The following GLT1D1 variants were observed in gnomAD, a reference collection of about 807,000 sequenced individuals.
The protein encoded by GLT1D1 is glycosyltransferase 1 domain containing 1.
In GLT1D1, 21 loss-of-function variants were observed where a neutral mutation model predicts 28.7. The ratio of observed to expected loss-of-function variants is 0.73; its 90% CI spans 0.52 to 1.05. GLT1D1 has a LOEUF of 1.05. Among genes scored for constraint, GLT1D1 ranks in the 50% least tolerant of loss-of-function variants. The pLI, the probability that GLT1D1 is intolerant of heterozygous loss-of-function variation, is 0.00. For synonymous variants in GLT1D1, 147 were observed against 124.8 expected (o/e 1.18, Z -1.19); for missense variants, 343 against 330.6 (o/e 1.04, Z -0.29).
At chr12:128,941,971 C>T (rs1447340614) in intron 4 of GLT1D1, among the ~76,000 whole-genome samples, 1 of 143,518 alleles carries the variant, frequency 7.0e-6, no homozygotes, top group African/African-American at 2.6e-5. Flanking sequence ...GCTCATAGTA[C>T]CATTTCCTAC....
intron 3 of GLT1D1, among the ~76,000 whole-genome samples, chr12:128,893,371 A>T (rs1869285367): frequency 6.6e-6 from 1 of 152,200 alleles, no homozygotes; most frequent in Non-Finnish European, 1.5e-5. Flanking sequence ...AGGTTAAACG[A>T]GGTGAATTTG....
At chr12:128,948,865 A>G (rs930622504) in intron 6 of GLT1D1, among the ~76,000 whole-genome samples, 4 of 152,048 alleles carry the variant, frequency 2.6e-5, no homozygotes, top group Non-Finnish European at 5.9e-5. Context: ...TTTATAAAAG[A>G]AAAAAAAGAC....
rs368888045 is a variant in GLT1D1 at position 128,945,503 on chromosome 12, G to A, written c.419+134G>A. 8.7e-4 allele frequency: 676 copies of A among 780,684 alleles called. 7 individuals are homozygous for A. The highest frequency in any genetic ancestry group is 6.2e-3 in the South Asian group (432 of 70,034). The allele number at this position is 780,684 out of a possible 1,614,324, so 48.4% of individuals were successfully genotyped here. A position where few individuals can be genotyped will look rare whatever the true frequency, so the allele number is the denominator to read the frequency against. ...CAACTGTTTCCTCATGCATCTTCCC[G>A]GCGAGCCCGTGGCATCCTAGGCACT... On this transcript the variant is annotated intron_variant, in intron 5 of 7. Transcript: ENST00000281703.
chr12:128,905,650 T>C (rs572505346), intron 4 of GLT1D1, among the ~76,000 whole-genome samples: 2 of 152,206 alleles, frequency 1.3e-5, no homozygotes, highest in Non-Finnish European at 2.9e-5. Context: ...TTTTTAGTGT[T>C]GTTTATATCA....
rs771286662 is a variant in GLT1D1 at position 128,855,223 on chromosome 12, TA to T, written c.68+1594del. The stretch of plus-strand genomic sequence containing the variant: ...CTGGGTGACAGAGCCAGACTCCATC[TA>T]AAAAAAAAAAAAAAAAAAACAACAA... On this transcript the variant is annotated intron_variant, in intron 1 of 7. Transcript: ENST00000281703. 4.1e-3 allele frequency among the ~76,000 whole-genome samples: 337 copies of T among 81,396 alleles called. 2 individuals carry two copies. Among genetic ancestry groups the T allele is most frequent in the African/African-American group, 0.012 (259 of 22,080 alleles). The allele number at this position is 81,396 out of a possible 152,430, so 53.4% of individuals were successfully genotyped here. A position where few individuals can be genotyped will look rare whatever the true frequency, so the allele number is the denominator to read the frequency against.
chr12:128,928,859 T>G (rs149000208), intron 4 of GLT1D1, among the ~76,000 whole-genome samples: 140 of 152,246 alleles, frequency 9.2e-4, no homozygotes, highest in African/African-American at 3.3e-3. Context: ...CGACCTCAGG[T>G]GATCCACCTG....
chr12:128,957,071 C>T (rs750349718), intron 6 of GLT1D1, among the ~76,000 whole-genome samples: 59 of 152,170 alleles, frequency 3.9e-4, no homozygotes, highest in South Asian at 6.2e-4. Context: ...AAGTCGGCTT[C>T]GTGAATAATC....
At chr12:128,936,256 G>GCCA (rs1377821516) in intron 4 of GLT1D1, among the ~76,000 whole-genome samples, 1 of 150,252 alleles carries the variant, frequency 6.7e-6, no homozygotes, top group East Asian at 2.0e-4. Flanking sequence ...CCGGGTTCAC[G>GCCA]CCATTCTCCT....
chr12:128,876,551 A>G (rs1170659531), intron 2 of GLT1D1, among the ~76,000 whole-genome samples: 2 of 152,112 alleles, frequency 1.3e-5, no homozygotes, highest in Non-Finnish European at 2.9e-5. Flanking sequence ...CCTGGGCTCA[A>G]GCAATCCATC....
intron 1 of GLT1D1, among the ~76,000 whole-genome samples, chr12:128,872,794 A>T (rs568549712): frequency 1.3e-5 from 2 of 152,290 alleles, no homozygotes; most frequent in East Asian, 3.9e-4. Flanking sequence ...ATTTAAAAAG[A>T]TAATATATGC....
intron 4 of GLT1D1, among the ~76,000 whole-genome samples, chr12:128,942,757 T>G (rs781317864): frequency 1.1e-4 from 2 of 18,914 alleles, no homozygotes; most frequent in Non-Finnish European, 1.4e-4. Flanking sequence ...TTGTTTTTTG[T>G]TTTTTTTTTT....
chr12:128,940,162 G>T (rs536008477), intron 4 of GLT1D1, among the ~76,000 whole-genome samples: 1 of 151,970 alleles, frequency 6.6e-6, no homozygotes, highest in Admixed American at 6.6e-5. Context: ...TGGTGGTGTC[G>T]TCTGTAGCTC....
chr12:128,944,728 C>T lies in GLT1D1; in HGVS notation c.376-598C>T, dbSNP rs553656112. 459 of 596,584 alleles carry T rather than the reference C, an allele frequency of 7.7e-4. 3 individuals carry two copies. Among genetic ancestry groups the T allele is most frequent in the East Asian group, 3.5e-3 (96 of 27,796 alleles). 37.0% of individuals were successfully genotyped at this position (596,584 alleles called of 1,614,324 possible). A position where few individuals can be genotyped will look rare whatever the true frequency, so the allele number is the denominator to read the frequency against. ...AGATTTTGCAGTTCCTGAAGGGCCA[C>T]GCCAAGATGACATCATTTGGGATGA... is the stretch of plus-strand genomic sequence containing the variant. On this transcript the variant is annotated intron_variant, in intron 4 of 7. Coordinates refer to ENST00000281703, the MANE Select transcript of GLT1D1 (RefSeq NM_144669.3).
intron 4 of GLT1D1, among the ~76,000 whole-genome samples, chr12:128,912,776 C>T (rs909875511): frequency 6.6e-6 from 1 of 151,936 alleles, no homozygotes; most frequent in South Asian, 2.1e-4. Context: ...GTTTCTCTAG[C>T]CTCAGCCCCC....
chr12:128,875,876 C>T, intron 1 of GLT1D1, 38 bp from the exon 2 acceptor site: 1 of 1,577,434 alleles, frequency 6.3e-7, no homozygotes, highest in South Asian at 1.1e-5. Flanking sequence ...TTAACATTTT[C>T]CCCTCATCTT....
Position 128,957,638 on chromosome 12 carries a change from C to T in GLT1D1, c.634C>T (p.Pro212Ser), listed in dbSNP as rs1202665283. 7 of 1,606,594 alleles carry T rather than the reference C, an allele frequency of 4.4e-6. No homozygotes were observed. The highest frequency in any genetic ancestry group is 6.0e-6 in the Non-Finnish European group (7 of 1,173,332). ...AGTCACAGGGCTACTGTTTTCCAAT[C>T]CTCAGGTAAAGAAAAGTTCTTTCCC... Residue 212 changes from proline (P) to serine (S), a missense_variant, in exon 7 of 8, where the codon CCT becomes TCT. By Grantham distance (74) the Pro-to-Ser change is moderately conservative. Coordinates refer to ENST00000281703, the MANE Select transcript of GLT1D1 (RefSeq NM_144669.3).
At chr12:128,966,344 G>A (rs1878458014) in intron 7 of GLT1D1, among the ~76,000 whole-genome samples, 1 of 152,208 alleles carries the variant, frequency 6.6e-6, no homozygotes, top group African/African-American at 2.4e-5. Context: ...CTGTCCCTGA[G>A]CTAACCACTG....
At chr12:128,902,973 G>A (rs7965676) in intron 4 of GLT1D1, among the ~76,000 whole-genome samples, 22,556 of 150,476 alleles carry the variant, frequency 0.15, 1,922 homozygotes, top group South Asian at 0.23. Flanking sequence ...GAACCCAGGA[G>A]GCCGAGGTTG....
chr12:128,962,797 G>C (rs554107911), intron 7 of GLT1D1, among the ~76,000 whole-genome samples: 1 of 152,218 alleles, frequency 6.6e-6, no homozygotes, highest in South Asian at 2.1e-4. Context: ...TGCCTCCCGG[G>C]TTCAAGTGAT....
Sources: gnomAD v4.1 joint callset for allele counts (sites outside exome capture counted in the v4.1 genomes callset) on GRCh38, gnomAD v4.1.1 for gene constraint, MANE v1.5 for transcripts, NCBI Gene and HGNC (gene_info 2026-07-23, HGNC 2026-07-21) for gene names.